Variants in DCDC1 observed in about 807,000 individuals in gnomAD.
DCDC1 encodes doublecortin domain-containing protein 1.
A neutral mutation model predicts 178.3 loss-of-function variants in DCDC1; 200 were observed. That is an observed-to-expected ratio of 1.12 (90% CI 1.00 to 1.26). The LOEUF (loss-of-function observed/expected upper bound fraction) is 1.26, where lower values mean the gene tolerates loss of function less well. Ranked by LOEUF, DCDC1 falls within the 50% of genes most tolerant of loss-of-function variation. The pLI is 0.00. For synonymous variants in DCDC1, 690 were observed against 604.8 expected, an observed-to-expected ratio of 1.14 and a Z score of -2.07; for missense variants, 1,983 against 1,749.2, an observed-to-expected ratio of 1.13 and a Z score of -2.38.
At position 30,903,581 on chromosome 11, in the gene DCDC1, A is replaced by C. The variant is rs530429849; in HGVS notation, c.4411T>G (p.Trp1471Gly). Residue 1471 changes from tryptophan (W) to glycine (G), a missense_variant, in exon 32 of 39, where the codon TGG becomes GGG. By Grantham distance (184) the Trp-to-Gly change is radical (BLOSUM62 -2). Transcript: ENST00000684477. ...PIFTLRDLVLWALDESFLQRD... is the reference protein window; with the variant it reads ...PIFTLRDLVLGALDESFLQRD... The stretch of plus-strand genomic sequence containing the variant: ...TGGAGAAAGGATTCATCTAGAGCCC[A>C]TAAAACCAAATCACGCAAGGTAAAG... The C allele has an allele frequency of 6.2e-7, 1 of 1,610,088 alleles. No individual in the cohort carries two copies.
chr11:31,144,389 G>A (rs1030597691), intron 9 of DCDC1, among the ~76,000 whole-genome samples: 8 of 151,936 alleles, frequency 5.3e-5, no homozygotes, highest in East Asian at 1.9e-4. Context: ...CACCAGCCTC[G>A]GCTTCCCAAA....
chr11:31,245,580 A>C (rs1943500667), intron 8 of DCDC1, among the ~76,000 whole-genome samples: 1 of 151,804 alleles, frequency 6.6e-6, no homozygotes, highest in African/African-American at 2.4e-5. Flanking sequence ...GAGGAAAATA[A>C]ATATAAAAAG....
intron 29 of DCDC1, among the ~76,000 whole-genome samples, chr11:30,908,226 A>T (rs1945211379): frequency 6.6e-6 from 1 of 152,218 alleles, no homozygotes; most frequent in African/African-American, 2.4e-5. Context: ...GCCCCAAAAA[A>T]TGTTAAACAT....
intron 2 of DCDC1, among the ~76,000 whole-genome samples, chr11:31,334,596 C>T (rs919848624): frequency 3.9e-5 from 6 of 152,194 alleles, no homozygotes; most frequent in Non-Finnish European, 5.9e-5. Context: ...GATGTTGATG[C>T]TATTCCTTTC....
At chr11:31,149,715 C>A (rs58539060) in intron 9 of DCDC1, among the ~76,000 whole-genome samples, 1 of 151,764 alleles carries the variant, frequency 6.6e-6, no homozygotes, top group Non-Finnish European at 1.5e-5. Flanking sequence ...ACTCCAGATG[C>A]GCCACCTTTA....
In DCDC1 at chr11:31,355,418, C is replaced by A. The variant is rs12287520; in HGVS notation, c.-125+14279G>T. The stretch of plus-strand genomic sequence containing the variant: ...ACAGTATGTTGAACTCAGCTACCTA[C>A]GAACCAGGAGACTTGTTGTTCCTCA... On this transcript the variant is annotated intron_variant, in intron 1 of 38. Coordinates refer to ENST00000684477, the MANE Select transcript of DCDC1 (RefSeq NM_001387274.1). Among the ~76,000 whole-genome samples the A allele has an allele frequency of 5.7e-3, 866 of 152,204 alleles. 10 individuals are homozygous for A. Among genetic ancestry groups the A allele is most frequent in the African/African-American group, 0.02 (822 of 41,518 alleles).
intron 20 of DCDC1, among the ~76,000 whole-genome samples, chr11:31,025,828 A>C (rs933236558): frequency 2.0e-5 from 3 of 151,812 alleles, no homozygotes; most frequent in African/African-American, 7.2e-5. Context: ...CATCTCACAG[A>C]TGAGGAAACT....
intron 9 of DCDC1, among the ~76,000 whole-genome samples, chr11:31,217,115 G>A (rs1973683183): frequency 6.6e-6 from 1 of 152,134 alleles, no homozygotes; most frequent in African/African-American, 2.4e-5. Context: ...ACAGGGAGAG[G>A]GAGATGATAG....
intron 20 of DCDC1, among the ~76,000 whole-genome samples, chr11:31,001,047 T>A (rs1951546493): frequency 1.3e-5 from 2 of 152,180 alleles, no homozygotes; most frequent in Non-Finnish European, 2.9e-5. Flanking sequence ...CCATAACAGC[T>A]GTGAAATTAT....
intron 1 of DCDC1, among the ~76,000 whole-genome samples, chr11:31,338,408 A>T (rs1045871938): frequency 2.2e-4 from 34 of 152,288 alleles, no homozygotes; most frequent in Admixed American, 6.5e-5. Context: ...GGGTTCACAT[A>T]CATAATTAAA....
chr11:31,307,178 G>C (rs1419473610), intron 4 of DCDC1, among the ~76,000 whole-genome samples: 1 of 152,048 alleles, frequency 6.6e-6, no homozygotes, highest in Non-Finnish European at 1.5e-5. Flanking sequence ...TTCTTGGTTT[G>C]ATTTTTGTTT....
At chr11:31,296,700 G>A (rs1199706901) in intron 6 of DCDC1, among the ~76,000 whole-genome samples, 1 of 152,174 alleles carries the variant, frequency 6.6e-6, no homozygotes, top group Non-Finnish European at 1.5e-5. Context: ...GAATAGGAGG[G>A]CCTCAGGAAA....
intron 1 of DCDC1, among the ~76,000 whole-genome samples, chr11:31,346,104 A>G (rs1260965081): frequency 6.6e-6 from 1 of 152,230 alleles, no homozygotes; most frequent in Non-Finnish European, 1.5e-5. Flanking sequence ...AATCTAACCA[A>G]GTTTCTAGAT....
chr11:31,103,615 A>C (rs1958645136), intron 14 of DCDC1, 29 bp downstream of exon 14: 3 of 748,838 alleles, frequency 4.0e-6, no homozygotes, highest in Non-Finnish European at 7.3e-6. Flanking sequence ...CTTTAACCAC[A>C]TCTTTAACAA....
chr11:31,212,835 A>G (rs1972745517), intron 9 of DCDC1, among the ~76,000 whole-genome samples: 1 of 152,218 alleles, frequency 6.6e-6, no homozygotes, highest in Non-Finnish European at 1.5e-5. Context: ...AACTGTGTAC[A>G]AGGACATTAA....
chr11:30,970,110 G>C (rs776658223), intron 20 of DCDC1, among the ~76,000 whole-genome samples: 17 of 152,166 alleles, frequency 1.1e-4, no homozygotes, highest in African/African-American at 3.6e-4. Flanking sequence ...CCCAGTGTGG[G>C]GAAAGGGTAA....
chr11:31,289,134 C>CAA lies in DCDC1; in HGVS notation c.960+1512_960+1513insTT, dbSNP rs561987258. On this transcript the variant is annotated intron_variant, in intron 7 of 38. Coordinates refer to ENST00000684477, the MANE Select transcript of DCDC1 (RefSeq NM_001387274.1). ...GAGACAAAAAGCAAAATAGCAGTGA[C>CAA]ATTTTTATTTATACTCAACATTTCA... Among the ~76,000 whole-genome samples, 150 of 152,048 alleles carry CAA rather than the reference C, an allele frequency of 9.9e-4. 1 individual carries two copies. The highest frequency in any genetic ancestry group is 3.3e-3 in the Admixed American group (51 of 15,238).
chr11:31,333,498 T>C (rs957283530), intron 2 of DCDC1, among the ~76,000 whole-genome samples: 2 of 152,318 alleles, frequency 1.3e-5, no homozygotes, highest in South Asian at 4.1e-4. Context: ...ATTTGGCATG[T>C]TTTTGCAGTG....
At chr11:31,124,386 C>T (rs1961284967) in intron 11 of DCDC1, among the ~76,000 whole-genome samples, 1 of 152,010 alleles carries the variant, frequency 6.6e-6, no homozygotes, top group Non-Finnish European at 1.5e-5. Context: ...CAATTCTATT[C>T]CCATTAAATT....
Sources: allele counts gnomAD v4.1 joint callset (sites outside exome capture counted in the v4.1 genomes callset), GRCh38; gene constraint gnomAD v4.1.1; transcripts MANE v1.5; gene names NCBI Gene and HGNC (gene_info 2026-07-23, HGNC 2026-07-21).